SPTAN1: variants seen among roughly 807,000 people sequenced by gnomAD.
SPTAN1 encodes the protein spectrin alpha chain, non-erythrocytic 1.
Under a neutral mutation model 331.3 loss-of-function variants are expected in SPTAN1, and 61 were observed. The observed-to-expected ratio is 0.18, with a 90% CI of 0.15 to 0.23. SPTAN1 has a LOEUF of 0.23. Among genes scored for constraint, SPTAN1 ranks in the 10% least tolerant of loss-of-function variants. The pLI is 1.00. For missense variants in SPTAN1, 2,043 were observed against 3,147.9 expected (o/e 0.65, Z 8.40); for synonymous variants, 1,153 against 1,173.9 (o/e 0.98, Z 0.36).
At chr9:128,626,032 C>T (rs1858684528) in intron 48 of SPTAN1, 54 bp downstream of exon 48, 12 of 1,601,206 alleles carry the variant, frequency 7.5e-6, no homozygotes, top group Non-Finnish European at 1.0e-5. Flanking sequence ...GGAAGGACGC[C>T]CACCTTCTGT....
chr9:128,623,144 C>T (rs1265305930), intron 45 of SPTAN1, among the ~76,000 whole-genome samples: 1 of 151,988 alleles, frequency 6.6e-6, no homozygotes, highest in Non-Finnish European at 1.5e-5. Flanking sequence ...TAGCCTCTGC[C>T]TCCCGGGTTT....
chr9:128,557,199 T>C (rs1466216454), intron 1 of SPTAN1, among the ~76,000 whole-genome samples: 1 of 152,254 alleles, frequency 6.6e-6, no homozygotes, highest in Non-Finnish European at 1.5e-5. Context: ...CAAAACTGTA[T>C]GTCTAGTGGT....
At chr9:128,556,748 G>A (rs1375422044) in intron 1 of SPTAN1, among the ~76,000 whole-genome samples, 1 of 152,170 alleles carries the variant, frequency 6.6e-6, no homozygotes, top group Non-Finnish European at 1.5e-5. Context: ...TGTGGTTTAA[G>A]CAAAAATATT....
In SPTAN1 at chr9:128,577,376, G is replaced by T; in HGVS notation, c.955G>T (p.Asp319Tyr). The T allele has an allele frequency of 6.2e-7, 1 of 1,614,222 alleles. No homozygotes were observed. Among genetic ancestry groups the T allele is most frequent in the Non-Finnish European group, 8.5e-7 (1 of 1,180,036 alleles). The change falls in exon 8 of 57, where the codon GAC becomes TAC. Residue 319 changes from aspartate to tyrosine, a missense_variant. Physicochemically the swap from Asp to Tyr is radical, Grantham distance 160. Coordinates refer to ENST00000372739, the MANE Select transcript of SPTAN1 (RefSeq NM_001130438.3). The surrounding 1 kb of genome is among the most constrained non-coding windows in gnomAD (Gnocchi z 4.2). ...DKVKALCAEA[D>Y]RLQQSHPLSA... ...GGTCAAAGCCCTGTGTGCTGAGGCT[G>T]ACCGCCTGCAACAGTCCCACCCTCT...
At chr9:128,624,224 C>G in intron 45 of SPTAN1, 104 bp from the exon 46 acceptor site, 2 of 1,373,668 alleles carry the variant, frequency 1.5e-6, no homozygotes, top group South Asian at 1.2e-5. Flanking sequence ...GACAGGGGAG[C>G]AAGTGGCCCA....
rs755265765 is a variant in SPTAN1 at position 128,566,749 on chromosome 9, A to C, written c.9A>C (p.Pro3=). The C allele has an allele frequency of 6.2e-7, 1 of 1,614,200 alleles. No homozygotes were observed. The highest frequency in any genetic ancestry group is 1.1e-5 in the South Asian group (1 of 91,082). The change falls in exon 2 of 57, where the codon CCA becomes CCC. Residue 3 remains proline (P), a synonymous_variant. Transcript: ENST00000372739. Reference sequence around the variant, plus strand: ...TTTTGTCATTTCAGAAAATGGACCCAAGTGGGGTCAAAGTGCTGGAAACAG... The same window carrying C: ...TTTTGTCATTTCAGAAAATGGACCCCAGTGGGGTCAAAGTGCTGGAAACAG... The part of the protein sequence containing the change: MD[P]SGVKVLETAE...
intron 3 of SPTAN1, among the ~76,000 whole-genome samples, chr9:128,573,947 G>T: frequency 6.6e-6 from 1 of 151,834 alleles, no homozygotes; most frequent in East Asian, 1.9e-4. Context: ...TAGAGATGGG[G>T]TTTCACCATG....
chr9:128,601,029 G>A (rs914897075), intron 27 of SPTAN1, among the ~76,000 whole-genome samples: 1 of 118,284 alleles, frequency 8.5e-6, no homozygotes, highest in Non-Finnish European at 1.6e-5. Flanking sequence ...TGTTGCCCAG[G>A]CTGGAGTGCA....
At chr9:128,608,512 T>A (rs898053348) in intron 34 of SPTAN1, among the ~76,000 whole-genome samples, 3 of 152,086 alleles carry the variant, frequency 2.0e-5, no homozygotes, top group Non-Finnish European at 2.9e-5. Context: ...TGTGGGTAGG[T>A]AAGGGAATAA....
intron 12 of SPTAN1, 138 bp downstream of exon 12, chr9:128,582,030 A>G: frequency 1.4e-6 from 1 of 721,632 alleles, no homozygotes; most frequent in Non-Finnish European, 2.5e-6. Context: ...TTTCACAAGG[A>G]TGACATGCTA....
chr9:128,626,237 AG>A (rs1858715134), intron 48 of SPTAN1, 153 bp from the exon 49 acceptor site: 2 of 1,063,288 alleles, frequency 1.9e-6, no homozygotes, highest in African/African-American at 1.6e-5. Flanking sequence ...GAAGACTTGA[AG>A]GGGGAGCAGG....
chr9:128,621,818 G>C lies in SPTAN1; in HGVS notation c.5832+562G>C, dbSNP rs182324989. On this transcript the variant is annotated intron_variant, in intron 45 of 56. Transcript: ENST00000372739. ...GCCCTTTTGGGAGAAAAAATAAAGG[G>C]GCTTGGTGCTTTCTCAGCAGCAGCG... is the stretch of plus-strand genomic sequence containing the variant. 47 of 168,916 alleles carry C rather than the reference G, an allele frequency of 2.8e-4. No homozygotes were observed. In the Middle Eastern group the frequency reaches 9.6e-3, roughly 35 times the overall value. 10.5% of individuals were successfully genotyped at this position (168,916 alleles called of 1,614,324 possible).
At chr9:128,604,915 AGAAT>A in intron 29 of SPTAN1, 115 bp from the exon 30 acceptor site, 5 of 1,108,150 alleles carry the variant, frequency 4.5e-6, no homozygotes, top group Non-Finnish European at 6.3e-6. Context: ...CTGGGTGACA[AGAAT>A]GAAACTCCAT....
intron 1 of SPTAN1, among the ~76,000 whole-genome samples, chr9:128,556,634 TC>T (rs1848670818): frequency 6.6e-6 from 1 of 152,242 alleles, no homozygotes; most frequent in African/African-American, 2.4e-5. Flanking sequence ...TCTTTTGCTT[TC>T]TTAAAGCTAA....
chr9:128,568,945 A>G, intron 3 of SPTAN1, 48 bp downstream of exon 3: 1 of 1,612,046 alleles, frequency 6.2e-7, no homozygotes, highest in South Asian at 1.1e-5. Context: ...TGGGTGGAGC[A>G]TTGTAGATTC....
intron 31 of SPTAN1, among the ~76,000 whole-genome samples, chr9:128,607,087 G>A (rs1161342089): frequency 6.6e-6 from 1 of 152,174 alleles, no homozygotes; most frequent in African/African-American, 2.4e-5. Flanking sequence ...TGCCCTTGTG[G>A]TTGTACAGCT....
chr9:128,626,213 GA>G, intron 48 of SPTAN1, 177 bp from the exon 49 acceptor site: 15 of 980,794 alleles, frequency 1.5e-5, no homozygotes, highest in South Asian at 2.8e-5. Flanking sequence ...GTAGGAAGGG[GA>G]AAAAAGGCTG....
chr9:128,585,670 A>C (rs1852510103), intron 18 of SPTAN1, 78 bp from the exon 19 acceptor site: 10 of 1,230,814 alleles, frequency 8.1e-6, no homozygotes, highest in African/African-American at 1.5e-5. Flanking sequence ...CCGTGAACAC[A>C]CAGAGAAAAC....
At chr9:128,591,449 C>T (rs1853508806) in intron 21 of SPTAN1, 28 bp from the exon 22 acceptor site, 1 of 1,613,584 alleles carries the variant, frequency 6.2e-7, no homozygotes, top group Non-Finnish European at 8.5e-7. Flanking sequence ...AAGGAATTTA[C>T]TTTCAGTTCT....
Sources: allele counts gnomAD v4.1 joint callset (sites outside exome capture counted in the v4.1 genomes callset), GRCh38; gene constraint gnomAD v4.1.1; non-coding constraint Gnocchi (gnomAD v3.1); transcripts MANE v1.5; gene names NCBI Gene and HGNC (gene_info 2026-07-23, HGNC 2026-07-21).